The following SGSM1 variants were observed in gnomAD, a reference collection of about 807,000 sequenced individuals.
The protein encoded by SGSM1 is small G protein signaling modulator 1.
In SGSM1, 73 loss-of-function variants were observed where a neutral mutation model predicts 133.8. The observed-to-expected ratio is 0.55, with a 90% confidence interval of 0.45 to 0.66. The LOEUF (loss-of-function observed/expected upper bound fraction) is 0.66. SGSM1 is among the 30% of genes least tolerant of loss of function. The pLI is 0.00. For missense variants in SGSM1, 1,213 were observed against 1,448.1 expected (o/e 0.84, Z 2.64); for synonymous variants, 563 against 573.0 (o/e 0.98, Z 0.25).
At chr22:24,861,235 C>T (rs1306951214) in intron 9 of SGSM1, among the ~76,000 whole-genome samples, 1 of 151,000 alleles carries the variant, frequency 6.6e-6, no homozygotes, top group Non-Finnish European at 1.5e-5. Context: ...CACCTGTAAT[C>T]CCAGCTACTC....
chr22:24,869,021 G>C (rs1409858736), intron 12 of SGSM1, among the ~76,000 whole-genome samples, 166 bp downstream of exon 12: 1 of 152,138 alleles, frequency 6.6e-6, no homozygotes, highest in African/African-American at 2.4e-5. Context: ...CCCCAAATAA[G>C]AACAATAACC....
At chr22:24,844,785 C>A in intron 2 of SGSM1, 112 bp from the exon 3 acceptor site, 1 of 896,054 alleles carries the variant, frequency 1.1e-6, no homozygotes, top group Non-Finnish European at 1.7e-6. Flanking sequence ...CAAAACATCC[C>A]AAACAGCCTG....
chr22:24,831,067 G>C (rs1199046391), intron 2 of SGSM1, among the ~76,000 whole-genome samples: 1 of 152,118 alleles, frequency 6.6e-6, no homozygotes, highest in African/African-American at 2.4e-5. Context: ...TTTGCAGCTT[G>C]TCTCTATTGA....
At chr22:24,853,682 C>T (rs1930609661) in intron 5 of SGSM1, among the ~76,000 whole-genome samples, 1 of 151,648 alleles carries the variant, frequency 6.6e-6, no homozygotes, top group African/African-American at 2.4e-5. Context: ...TCTTGGCTCA[C>T]TGCAAGCTCC....
At chr22:24,901,667 AAAAC>A (rs1933164679) in intron 19 of SGSM1, among the ~76,000 whole-genome samples, 162 bp from the exon 20 acceptor site, 1 of 152,166 alleles carries the variant, frequency 6.6e-6, no homozygotes, top group South Asian at 2.1e-4. Context: ...ACCCTCCCAG[AAAAC>A]AAACAAACAA....
intron 13 of SGSM1, among the ~76,000 whole-genome samples, chr22:24,878,267 C>T (rs1932132529): frequency 6.6e-6 from 1 of 152,174 alleles, no homozygotes; most frequent in South Asian, 2.1e-4. Flanking sequence ...GGCTGATGGT[C>T]CGTGGACCAG....
chr22:24,924,327 G>A lies in SGSM1; in HGVS notation c.*53G>A. On this transcript the variant is annotated 3_prime_UTR_variant, in exon 25 of 25. Transcript: ENST00000400358. ...CAAGCTGCCCCTGCCCCGCTCCTCT[G>A]CTTACTTTTCCTCCTGGCTGGATGG... 6.5e-7 allele frequency: 1 copy of A among 1,540,286 alleles called. No individual in the cohort carries two copies. Among genetic ancestry groups the A allele is most frequent in the African/African-American group, 1.4e-5 (1 of 73,498 alleles).
intron 10 of SGSM1, among the ~76,000 whole-genome samples, chr22:24,867,716 C>G (rs1042211484): frequency 4.6e-5 from 7 of 152,166 alleles, no homozygotes; most frequent in Non-Finnish European, 1.0e-4. Context: ...AGCAGAGGGC[C>G]ATCCTGCTTT....
chr22:24,878,041 C>T (rs1932118644), intron 13 of SGSM1, among the ~76,000 whole-genome samples: 1 of 152,100 alleles, frequency 6.6e-6, no homozygotes, highest in Middle Eastern at 3.4e-3. Flanking sequence ...GAACCCCTGA[C>T]CTCAAGTGAT....
intron 15 of SGSM1, 130 bp from the exon 16 acceptor site, chr22:24,886,470 A>T: frequency 8.1e-7 from 1 of 1,228,380 alleles, no homozygotes; most frequent in Non-Finnish European, 1.1e-6. Context: ...TTGGGAGGCC[A>T]AGGCGGGCAG....
intron 9 of SGSM1, among the ~76,000 whole-genome samples, chr22:24,866,824 G>A (rs1235768780): frequency 6.6e-6 from 1 of 152,170 alleles, no homozygotes; most frequent in East Asian, 1.9e-4. Context: ...TGGGTCAGGT[G>A]GCCATTCCTG....
chr22:24,833,580 C>T (rs1269955030), intron 2 of SGSM1, among the ~76,000 whole-genome samples: 1 of 151,884 alleles, frequency 6.6e-6, no homozygotes, highest in East Asian at 1.9e-4. Context: ...ATCAGTTGAA[C>T]CCGGGAGGTG....
At chr22:24,827,471 G>C (rs373872140) in intron 2 of SGSM1, among the ~76,000 whole-genome samples, 1 of 152,106 alleles carries the variant, frequency 6.6e-6, no homozygotes, top group Non-Finnish European at 1.5e-5. Flanking sequence ...GAGGCCTGAC[G>C]TGGAGGGACG....
chr22:24,858,342 C>T (rs1930926845), intron 8 of SGSM1, among the ~76,000 whole-genome samples: 2 of 152,092 alleles, frequency 1.3e-5, no homozygotes, highest in Non-Finnish European at 1.5e-5. Context: ...TGGCCAGGCA[C>T]GGTGGCTCAT....
chr22:24,898,046 C>T lies in SGSM1; in HGVS notation c.2097C>T (p.Pro699=), dbSNP rs1932968385. 1 of 1,613,900 alleles carries T rather than the reference C, an allele frequency of 6.2e-7. No homozygotes were observed. Among genetic ancestry groups the T allele is most frequent in the East Asian group, 2.2e-5 (1 of 44,868 alleles). ...TGGAGGAGAAACAGCCCAAGATCCC[C>T]AATGGGAACCTAGTGAACGGCACTT... The part of the protein sequence containing the change: ...GRLEEKQPKI[P]NGNLVNGTCS... The change falls in exon 19 of 25, where the codon CCC becomes CCT. Residue 699 remains proline, a synonymous_variant. Transcript: ENST00000400358.
intron 2 of SGSM1, among the ~76,000 whole-genome samples, chr22:24,816,789 C>T (rs1025851649): frequency 4.6e-5 from 7 of 152,222 alleles, no homozygotes; most frequent in Non-Finnish European, 8.8e-5. Context: ...TTGCCTTCTT[C>T]TGTTTTGGCA....
chr22:24,855,661 A>G lies in SGSM1; in HGVS notation c.782A>G (p.Asn261Ser). The change falls in exon 8 of 25, where the codon AAC becomes AGC. Residue 261 changes from asparagine to serine, a missense_variant. By Grantham distance (46) the Asn-to-Ser change is conservative. Coordinates refer to ENST00000400358, the MANE Select transcript of SGSM1 (RefSeq NM_001098497.3). ...CGTGCCACCCTTCTCTATGGCAAAA[A>G]CAACGTTCTTGTTCAGCCGGTGAGA... ...NSRATLLYGK[N>S]NVLVQPRDDM... 6.2e-7 allele frequency: 1 copy of G among 1,613,914 alleles called. No individual in the cohort carries two copies. The highest frequency in any genetic ancestry group is 1.1e-5 in the South Asian group (1 of 91,082).
At chr22:24,891,333 C>T (rs918501041) in intron 16 of SGSM1, among the ~76,000 whole-genome samples, 3 of 152,158 alleles carry the variant, frequency 2.0e-5, no homozygotes, top group African/African-American at 7.2e-5. Flanking sequence ...GCATTTCAGC[C>T]TGGGTGACAA....
intron 17 of SGSM1, 46 bp from the exon 18 acceptor site, chr22:24,895,177 A>G (rs1932884740): frequency 3.8e-6 from 6 of 1,566,076 alleles, no homozygotes; most frequent in Non-Finnish European, 5.2e-6. Flanking sequence ...GCTCTGGGCC[A>G]GGGTGCAGCC....
Sources: allele counts gnomAD v4.1 joint callset (sites outside exome capture counted in the v4.1 genomes callset), GRCh38; gene constraint gnomAD v4.1.1; transcripts MANE v1.5; gene names NCBI Gene and HGNC (gene_info 2026-07-23, HGNC 2026-07-21).